The following HSPA9 variants were observed in gnomAD, a reference collection of about 807,000 sequenced individuals.
HSPA9 encodes heat shock protein family A (Hsp70) member 9, also known as stress-70 protein, mitochondrial.
A neutral mutation model predicts 81.5 loss-of-function variants in HSPA9; 28 were observed. The observed-to-expected ratio is 0.34, with a 90% CI of 0.25 to 0.47. The LOEUF is 0.47. Among genes scored for constraint, HSPA9 ranks in the 20% least tolerant of loss-of-function variants. The probability of loss-of-function intolerance (pLI) is 1.00; values close to 1 mark genes in which losing one functional copy is unlikely to be tolerated. For synonymous variants in HSPA9, 293 were observed against 290.4 expected (o/e 1.01, Z -0.09); for missense variants, 678 against 838.0 (o/e 0.81, Z 2.36).
At chr5:138,568,814 A>G in intron 5 of HSPA9, 111 bp downstream of exon 5, 4 of 1,161,496 alleles carry the variant, frequency 3.4e-6, no homozygotes, top group South Asian at 2.5e-5. Flanking sequence ...TAGTTTTTCT[A>G]TACAAAAGGG....
At chr5:138,573,344 TTA>T (rs1443080189) in intron 3 of HSPA9, among the ~76,000 whole-genome samples, 1 of 152,132 alleles carries the variant, frequency 6.6e-6, no homozygotes, top group Non-Finnish European at 1.5e-5. Context: ...TGATCTATAG[TTA>T]TGTTTTTGCT....
chr5:138,566,505 G>T, intron 9 of HSPA9, 121 bp downstream of exon 9: 2 of 790,924 alleles, frequency 2.5e-6, no homozygotes, highest in South Asian at 1.4e-5. Flanking sequence ...CCAGAAAACT[G>T]AAAAAACAAA....
chr5:138,557,810 G>A, intron 13 of HSPA9, 59 bp downstream of exon 13: 2 of 982,146 alleles, frequency 2.0e-6, no homozygotes, highest in Admixed American at 1.7e-5. Flanking sequence ...TTCTAAGAGG[G>A]TCTATTCCCA....
At chr5:138,559,157 G>A (rs893502131) in intron 11 of HSPA9, 2 of 199,610 alleles carry the variant, frequency 1.0e-5, no homozygotes, top group African/African-American at 4.7e-5. Flanking sequence ...CCAGGCTGGA[G>A]TGCAGTGGCA....
chr5:138,556,699 C>T, intron 15 of HSPA9, 75 bp downstream of exon 15: 6 of 1,562,050 alleles, frequency 3.8e-6, no homozygotes, highest in Non-Finnish European at 8.8e-7. Flanking sequence ...CTATCAAAAC[C>T]CACAGAAAAA....
rs1750503759 is a variant in HSPA9 at position 138,555,581 on chromosome 5, C to A, written c.*456G>T. 5.2e-6 allele frequency: 1 copy of A among 193,466 alleles called. No individual in the cohort carries two copies. The highest frequency in any genetic ancestry group is 2.4e-5 in the African/African-American group (1 of 41,978). 12.0% of individuals were successfully genotyped at this position (193,466 alleles called of 1,614,324 possible). On this transcript the variant is annotated 3_prime_UTR_variant, in exon 17 of 17. Coordinates refer to ENST00000297185, the MANE Select transcript of HSPA9 (RefSeq NM_004134.7). Reference sequence around the variant, plus strand: ...AACATGGCACAGCCAGCTTGACTTGCAAGGCCTCAGTTGAAGGACCCCATG... The same window carrying A: ...AACATGGCACAGCCAGCTTGACTTGAAAGGCCTCAGTTGAAGGACCCCATG...
chr5:138,558,453 A>C, intron 12 of HSPA9, 100 bp downstream of exon 12: 2 of 819,846 alleles, frequency 2.4e-6, no homozygotes, highest in Non-Finnish European at 4.3e-6. Context: ...CTCAGTATGT[A>C]TGTGTATGCC....
At chr5:138,564,458 G>A (rs1750721172) in intron 9 of HSPA9, among the ~76,000 whole-genome samples, 1 of 152,118 alleles carries the variant, frequency 6.6e-6, no homozygotes, top group Non-Finnish European at 1.5e-5. Context: ...GGGGTGCAGT[G>A]GCATTCACAG....
chr5:138,574,545 G>A (rs1360833676), intron 1 of HSPA9, among the ~76,000 whole-genome samples: 1 of 152,204 alleles, frequency 6.6e-6, no homozygotes, highest in Non-Finnish European at 1.5e-5. Flanking sequence ...GAGTTACTAA[G>A]GGTCTTTGAA....
intron 10 of HSPA9, 58 bp from the exon 11 acceptor site, chr5:138,560,149 C>T: frequency 2.5e-6 from 3 of 1,223,066 alleles, no homozygotes; most frequent in South Asian, 2.5e-5. Context: ...CTGAGCAGAA[C>T]AAAAGGGAGC....
At position 138,554,812 on chromosome 5, in the gene HSPA9, CAT is replaced by C. The variant is rs1491141419; in HGVS notation, c.*1223_*1224del. On this transcript the variant is annotated 3_prime_UTR_variant, in exon 17 of 17. Coordinates refer to ENST00000297185, the MANE Select transcript of HSPA9 (RefSeq NM_004134.7). ...TGCCTTTCTGCTCAGGTTGTCAGCA[CAT>C]GATAATTATTAGAACTACATCAGAG... is the stretch of plus-strand genomic sequence containing the variant. 6.6e-6 allele frequency: 1 copy of C among 152,134 alleles called. No individual in the cohort carries two copies. The highest frequency in any genetic ancestry group is 1.5e-5 in the Non-Finnish European group (1 of 68,016). 9.4% of individuals were successfully genotyped at this position (152,134 alleles called of 1,614,324 possible).
In HSPA9 at chr5:138,573,972, A is replaced by C; in HGVS notation, c.140+96T>G. On this transcript the variant is annotated intron_variant, in intron 2 of 16. Coordinates refer to ENST00000297185, the MANE Select transcript of HSPA9 (RefSeq NM_004134.7). ...CTACATAATCTCTAAATAAATACAG[A>C]TAAATAATTACAGAGAAGAATAATC... 3 of 1,243,676 alleles carry C rather than the reference A, an allele frequency of 2.4e-6. No homozygotes were observed. In the South Asian group the frequency reaches 3.7e-5, roughly 15 times the overall value. The allele number at this position is 1,243,676 out of a possible 1,614,324, so 77.0% of individuals were successfully genotyped here.
At chr5:138,572,479 G>C (rs1468710143) in intron 3 of HSPA9, among the ~76,000 whole-genome samples, 3 of 152,216 alleles carry the variant, frequency 2.0e-5, no homozygotes. Context: ...CAGACTAGAA[G>C]TGGAGCTTCA....
rs768187310 is a variant in HSPA9, at chr5:138,557,412, C to T, written c.1718G>A (p.Arg573Gln). Residue 573 changes from arginine (R) to glutamine (Q), a missense_variant, in exon 14 of 17, where the codon CGG (arginine) becomes CAG (glutamine). Physicochemically the swap from Arg to Gln is conservative, Grantham distance 43. Transcript: ENST00000297185. ...KNAEKYAEEDRRKKERVEAVN... is the reference protein window; with the variant it reads ...KNAEKYAEEDQRKKERVEAVN... ...ACAAGAAGTAATCACCTTCTTTCGC[C>T]GGTCTTCTTCAGCATATTTCTCTGC... is the stretch of plus-strand genomic sequence containing the variant. 89 of 1,603,630 alleles carry T rather than the reference C, an allele frequency of 5.5e-5. No individual in the cohort carries two copies. The highest frequency in any genetic ancestry group is 7.7e-5 in the South Asian group (7 of 90,480).
At position 138,556,954 on chromosome 5, in the gene HSPA9, C is replaced by T. The variant is rs151172939; in HGVS notation, c.1729-88G>A. 1.8e-4 allele frequency: 157 copies of T among 886,192 alleles called. No homozygotes were observed. In the East Asian group the frequency reaches 3.3e-3, roughly 18 times the overall value. 54.9% of individuals were successfully genotyped at this position (886,192 alleles called of 1,614,324 possible). A position where few individuals can be genotyped will look rare whatever the true frequency, so the allele number is the denominator to read the frequency against. On this transcript the variant is annotated intron_variant, in intron 14 of 16. Coordinates refer to ENST00000297185, the MANE Select transcript of HSPA9 (RefSeq NM_004134.7). ...TACTCAGACAATAAGCTATGTGTTACATACAGTTACAGATAAAAATAGAGT... is the reference window on the plus strand; with the variant it reads ...TACTCAGACAATAAGCTATGTGTTATATACAGTTACAGATAAAAATAGAGT...
At chr5:138,563,914 C>T (rs141972558) in intron 9 of HSPA9, among the ~76,000 whole-genome samples, 3 of 152,296 alleles carry the variant, frequency 2.0e-5, no homozygotes, top group Non-Finnish European at 4.4e-5. Context: ...CACCAACAAC[C>T]GACCCCAATC....
chr5:138,560,052 T>A lies in HSPA9; in HGVS notation c.1222A>T (p.Ser408Cys), dbSNP rs751940589. 3 of 1,614,176 alleles carry A rather than the reference T, an allele frequency of 1.9e-6. No homozygotes were observed. The East Asian group carries it at 6.7e-5, about 36-fold the overall frequency. Residue 408 changes from serine to cysteine, a missense_variant, in exon 11 of 17, where the codon AGT (serine) becomes TGT (cysteine). By Grantham distance (112) the Ser-to-Cys change is moderately radical. Transcript: ENST00000297185. ...TVQDLFGRAPSKAVNPDEAVA... is the reference protein window; with the variant it reads ...TVQDLFGRAPCKAVNPDEAVA... ...GCCTCATCAGGATTGACAGCTTTAC[T>A]TGGGGCTCTGCCAAAAAGATCCTGT...
In HSPA9 at chr5:138,575,366, C is replaced by T. The variant is rs1473697346; in HGVS notation, c.-48G>A. The T allele has an allele frequency of 2.0e-6, 3 of 1,479,874 alleles. No individual in the cohort carries two copies. Among genetic ancestry groups the T allele is most frequent in the Non-Finnish European group, 2.8e-6 (3 of 1,063,488 alleles). The allele number at this position is 1,479,874 out of a possible 1,614,324, so 91.7% of individuals were successfully genotyped here. A position where few individuals can be genotyped will look rare whatever the true frequency, so the allele number is the denominator to read the frequency against. On this transcript the variant is annotated 5_prime_UTR_variant, in exon 1 of 17. Coordinates refer to ENST00000297185, the MANE Select transcript of HSPA9 (RefSeq NM_004134.7). Reference sequence around the variant, plus strand: ...AGGCAGCAAACAAGCGCTCCGACGGCAAAGAGCTGCGCGATGCGGTGGCGG... The same window carrying T: ...AGGCAGCAAACAAGCGCTCCGACGGTAAAGAGCTGCGCGATGCGGTGGCGG...
Position 138,567,261 on chromosome 5 carries a change from G to C in HSPA9, c.717-98C>G, listed in dbSNP as rs1750787364. ...CAATAACCAAATACAGATAATCTAA[G>C]CTATTTCCCTGAGATATGTACTAGT... On this transcript the variant is annotated intron_variant, in intron 7 of 16. Transcript: ENST00000297185. 13 of 1,126,270 alleles carry C rather than the reference G, an allele frequency of 1.2e-5. No homozygotes were observed. The South Asian group carries it at 1.5e-4, about 13-fold the overall frequency. The allele number at this position is 1,126,270 out of a possible 1,614,324, so 69.8% of individuals were successfully genotyped here.
Sources: gnomAD v4.1 joint callset for allele counts (sites outside exome capture counted in the v4.1 genomes callset) on GRCh38, gnomAD v4.1.1 for gene constraint, MANE v1.5 for transcripts, NCBI Gene and HGNC (gene_info 2026-07-23, HGNC 2026-07-21) for gene names.